TBC1D23: variants seen among roughly 807,000 people sequenced by gnomAD.
TBC1D23 encodes the protein TBC1 domain family member 23, also known as HCV non-structural protein 4A-transactivated protein 1.
TBC1D23 carries 55 observed loss-of-function variants against 91.4 expected under a neutral mutation model. That is an observed-to-expected ratio of 0.60 (90% CI 0.48 to 0.75). TBC1D23 has a LOEUF of 0.75. TBC1D23 is among the 30% of genes least tolerant of loss of function. TBC1D23 has a pLI of 0.00. For synonymous variants in TBC1D23, 289 were observed against 281.0 expected, an observed-to-expected ratio of 1.03 and a Z score of -0.28; for missense variants, 725 against 836.1, an observed-to-expected ratio of 0.87 and a Z score of 1.64.
intron 16 of TBC1D23, 103 bp from the exon 17 acceptor site, chr3:100,318,966 A>G (rs1705803247): frequency 2.8e-6 from 2 of 713,480 alleles, no homozygotes; most frequent in Non-Finnish European, 2.2e-6. Flanking sequence ...TTGTTTTTCA[A>G]TCCATATCTT....
At chr3:100,297,781 G>T in intron 8 of TBC1D23, 142 bp from the exon 9 acceptor site, 2 of 560,212 alleles carry the variant, frequency 3.6e-6, no homozygotes, top group Non-Finnish European at 5.7e-6. Context: ...TATAAAATTT[G>T]AGATTATGTA....
Position 100,301,488 on chromosome 3 carries a change from T to C in TBC1D23, c.1093-579T>C, listed in dbSNP as rs73148382. The stretch of plus-strand genomic sequence containing the variant: ...TTACAAATTGCTTTTCTATATGATC[T>C]GTCCATTTTTCTATTTTTCACCATA... On this transcript the variant is annotated intron_variant, in intron 10 of 18. Coordinates refer to ENST00000394144, the MANE Select transcript of TBC1D23 (RefSeq NM_001199198.3). Among the ~76,000 whole-genome samples, 752 of 152,366 alleles carry C rather than the reference T, an allele frequency of 4.9e-3. 5 individuals are homozygous for C. The highest frequency in any genetic ancestry group is 7.5e-3 in the Non-Finnish European group (511 of 68,024).
rs560278117 is a variant in TBC1D23, at chr3:100,276,835, G to T, written c.54-2814G>T. ...TTCAAAGTCACAGAGTCAGGAGGAG[G>T]TGAGTTTCTCCTTCCTTCCCACCTC... On this transcript the variant is annotated intron_variant, in intron 1 of 18. Coordinates refer to ENST00000394144, the MANE Select transcript of TBC1D23 (RefSeq NM_001199198.3). Among the ~76,000 whole-genome samples the T allele has an allele frequency of 6.9e-4, 105 of 152,350 alleles. 1 individual carries two copies. Among genetic ancestry groups the T allele is most frequent in the African/African-American group, 2.4e-3 (99 of 41,584 alleles).
intron 5 of TBC1D23, among the ~76,000 whole-genome samples, chr3:100,294,540 T>A (rs1442355992): frequency 2.6e-5 from 4 of 152,056 alleles, no homozygotes; most frequent in Non-Finnish European, 5.9e-5. Flanking sequence ...GGTTTACAGG[T>A]GTGAGCCACT....
At chr3:100,310,282 A>T in intron 13 of TBC1D23, 121 bp from the exon 14 acceptor site, 1 of 835,338 alleles carries the variant, frequency 1.2e-6, no homozygotes, top group Non-Finnish European at 1.9e-6. Flanking sequence ...ACTGGGAGTT[A>T]GGACTTCAAC....
intron 5 of TBC1D23, among the ~76,000 whole-genome samples, chr3:100,293,663 A>C (rs1036058389): frequency 1.3e-5 from 2 of 152,222 alleles, no homozygotes; most frequent in African/African-American, 4.8e-5. Context: ...AAAAAACATT[A>C]GTAGCATTAT....
intron 1 of TBC1D23, among the ~76,000 whole-genome samples, chr3:100,264,213 A>C (rs1172226587): frequency 6.6e-6 from 1 of 152,134 alleles, no homozygotes; most frequent in East Asian, 1.9e-4. Flanking sequence ...CATGTTGCCC[A>C]GGCTGGCCTC....
rs1186302392 is a variant in TBC1D23, at chr3:100,275,541, GCTGGGATTACAGGTATAAGCTA to G, written c.54-4104_54-4083del. ...GGGCTCAAGCCATCCAACCAGAAGT[GCTGGGATTACAGGTATAAGCTA>G]CTGCCCCTGGCCTGGTTTGGGTTTA... On this transcript the variant is annotated intron_variant, in intron 1 of 18. Transcript: ENST00000394144. 1.5e-3 allele frequency among the ~76,000 whole-genome samples: 231 copies of G among 152,266 alleles called. 1 individual carries two copies. The highest frequency in any genetic ancestry group is 5.3e-3 in the African/African-American group (219 of 41,552).
intron 4 of TBC1D23, among the ~76,000 whole-genome samples, chr3:100,289,929 C>G (rs975538263): frequency 9.9e-5 from 15 of 152,088 alleles, no homozygotes; most frequent in African/African-American, 1.7e-4. Flanking sequence ...TTTTAAAAAG[C>G]CTTTAGATAA....
chr3:100,294,977 T>C lies in TBC1D23; in HGVS notation c.601-110T>C, dbSNP rs889083326. The C allele has an allele frequency of 2.8e-6, 3 of 1,087,978 alleles. No homozygotes were observed. In the African/African-American group the frequency reaches 4.8e-5, roughly 17 times the overall value. The allele number at this position is 1,087,978 out of a possible 1,614,324, so 67.4% of individuals were successfully genotyped here. ...CTAAGATTAAGGTACGCATTAAATA[T>C]CAGGTGCAGATAATTTGATATAATG... is the stretch of plus-strand genomic sequence containing the variant. On this transcript the variant is annotated intron_variant, in intron 5 of 18. Coordinates refer to ENST00000394144, the MANE Select transcript of TBC1D23 (RefSeq NM_001199198.3).
chr3:100,322,859 T>C (rs10511178), intron 18 of TBC1D23, among the ~76,000 whole-genome samples: 37,815 of 152,054 alleles, frequency 0.25, 5,059 homozygotes, highest in East Asian at 0.49. Flanking sequence ...TTCATTGATA[T>C]TTATGGTTCT....
intron 13 of TBC1D23, among the ~76,000 whole-genome samples, chr3:100,307,747 T>C (rs1705538508): frequency 6.6e-6 from 1 of 152,270 alleles, no homozygotes; most frequent in African/African-American, 2.4e-5. Flanking sequence ...AATAACTAAA[T>C]AATATTTCAT....
chr3:100,315,897 T>C (rs987966830), intron 15 of TBC1D23: 2 of 568,000 alleles, frequency 3.5e-6, no homozygotes, highest in Non-Finnish European at 6.3e-6. Context: ...CAAGGCCTTA[T>C]GCCACTTTTG....
At chr3:100,301,268 G>C (rs1361410300) in intron 10 of TBC1D23, among the ~76,000 whole-genome samples, 2 of 72,988 alleles carry the variant, frequency 2.7e-5, no homozygotes, top group East Asian at 6.5e-4. Flanking sequence ...GGGAGATTCC[G>C]TCTCAAAAAA....
intron 13 of TBC1D23, among the ~76,000 whole-genome samples, chr3:100,308,218 G>A (rs1194084167): frequency 6.6e-6 from 1 of 152,234 alleles, no homozygotes; most frequent in Non-Finnish European, 1.5e-5. Context: ...GCTCACGCCT[G>A]TAATCCCAGT....
At position 100,299,394 on chromosome 3, in the gene TBC1D23, A is replaced by G; in HGVS notation, c.1092+63A>G. 6 of 989,820 alleles carry G rather than the reference A, an allele frequency of 6.1e-6. No individual in the cohort carries two copies. The South Asian group carries it at 9.2e-5, about 15-fold the overall frequency. The allele number at this position is 989,820 out of a possible 1,614,324, so 61.3% of individuals were successfully genotyped here. A position where few individuals can be genotyped will look rare whatever the true frequency, so the allele number is the denominator to read the frequency against. On this transcript the variant is annotated intron_variant, in intron 10 of 18. Coordinates refer to ENST00000394144, the MANE Select transcript of TBC1D23 (RefSeq NM_001199198.3). ...TTTTTTTCCTTCAGTTCATAAATAA[A>G]TATATAGGTCCCAGATTGGGGAATT...
At chr3:100,316,803 A>G (rs548467542) in intron 16 of TBC1D23, among the ~76,000 whole-genome samples, 2 of 152,246 alleles carry the variant, frequency 1.3e-5, no homozygotes, top group South Asian at 4.1e-4. Context: ...TTTAAAAAAA[A>G]TAATTTAGGC....
intron 13 of TBC1D23, among the ~76,000 whole-genome samples, chr3:100,308,848 G>A (rs938587528): frequency 2.0e-5 from 3 of 152,216 alleles, no homozygotes; most frequent in Non-Finnish European, 4.4e-5. Flanking sequence ...CAGAAAATAG[G>A]ATCACTTTTA....
Position 100,310,452 on chromosome 3 carries a change from A to G in TBC1D23, c.1463A>G (p.Asn488Ser), listed in dbSNP as rs1364471979. Residue 488 changes from asparagine (N) to serine (S), a missense_variant, in exon 14 of 19, where the codon AAT (asparagine) becomes AGT (serine). Transcript: ENST00000394144. ...GATAGAGGAATGAAATCACTAGTAA[A>G]TAAAATGACTGTGGCTTTGAAGACA... ...SSDRGMKSLV[N>S]KMTVALKTKS... 4 of 1,613,540 alleles carry G rather than the reference A, an allele frequency of 2.5e-6. No individual in the cohort carries two copies. The African/African-American group carries it at 4.0e-5, about 16-fold the overall frequency.
Sources: gnomAD v4.1 joint callset for allele counts (sites outside exome capture counted in the v4.1 genomes callset) on GRCh38, gnomAD v4.1.1 for gene constraint, MANE v1.5 for transcripts, NCBI Gene and HGNC (gene_info 2026-07-23, HGNC 2026-07-21) for gene names.